Variants in TMEM132B observed in about 807,000 individuals in gnomAD.
The protein encoded by TMEM132B is transmembrane protein 132B.
A neutral mutation model predicts 90.8 loss-of-function variants in TMEM132B; 18 were observed. The ratio of observed to expected loss-of-function variants is 0.20; its 90% CI spans 0.14 to 0.29. The LOEUF (loss-of-function observed/expected upper bound fraction) is 0.29, where lower values mean the gene tolerates loss of function less well. Among genes scored for constraint, TMEM132B ranks in the 10% least tolerant of loss-of-function variants. The pLI, the probability that TMEM132B is intolerant of heterozygous loss-of-function variation, is 1.00. For missense variants in TMEM132B, 1,096 were observed against 1,326.8 expected, an observed-to-expected ratio of 0.83 and a Z score of 2.70; for synonymous variants, 504 against 523.3, an observed-to-expected ratio of 0.96 and a Z score of 0.50.
At position 125,408,178 on chromosome 12, in the gene TMEM132B, G is replaced by A. The variant is rs1202774190; in HGVS notation, c.960-7353G>A. ...CACTCAGCTGTGTATTTGGAGGGTC[G>A]CTGTGTTGTTGTGTGGTGATAGGCT... On this transcript the variant is annotated intron_variant, in intron 2 of 8. Coordinates refer to ENST00000682704, the MANE Select transcript of TMEM132B (RefSeq NM_001366854.1). This position sits in a 1 kb window ranked among gnomAD's most constrained non-coding sequence, Gnocchi z 5.9. 6.6e-6 allele frequency among the ~76,000 whole-genome samples: 1 copy of A among 152,180 alleles called. No homozygotes were observed. Among genetic ancestry groups the A allele is most frequent in the Non-Finnish European group, 1.5e-5 (1 of 68,036 alleles).
At chr12:125,535,141 C>T (rs1052438775) in intron 4 of TMEM132B, among the ~76,000 whole-genome samples, 1 of 152,160 alleles carries the variant, frequency 6.6e-6, no homozygotes, top group Admixed American at 6.5e-5. Flanking sequence ...TCGTAGAATC[C>T]AATGCTTCTA....
chr12:125,266,921 T>C (rs1398931411), intron 1 of TMEM132B, among the ~76,000 whole-genome samples: 1 of 152,086 alleles, frequency 6.6e-6, no homozygotes, highest in Non-Finnish European at 1.5e-5. Context: ...GAGACCACAG[T>C]GGTGAGCAAG....
In TMEM132B at chr12:125,213,795, CAT is replaced by C. The variant is rs1873374683; in HGVS notation, c.67+26930_67+26931del. On this transcript the variant is annotated intron_variant, in intron 1 of 8. Transcript: ENST00000682704. This position sits in a 1 kb window ranked among gnomAD's most constrained non-coding sequence, Gnocchi z 4.2. ...CTTATTCATCCACCTGTACTCCTAG[CAT>C]CAAGGGAGGTTCCTTGTGGCCAGTG... Among the ~76,000 whole-genome samples the C allele has an allele frequency of 6.6e-6, 1 of 152,230 alleles. No homozygotes were observed. The highest frequency in any genetic ancestry group is 1.5e-5 in the Non-Finnish European group (1 of 68,036).
At chr12:125,367,201 C>G (rs917060803) in intron 2 of TMEM132B, among the ~76,000 whole-genome samples, 6 of 152,106 alleles carry the variant, frequency 3.9e-5, no homozygotes, top group African/African-American at 1.4e-4. Flanking sequence ...TGGAATGGGT[C>G]TCATTTTTAA....
intron 4 of TMEM132B, among the ~76,000 whole-genome samples, chr12:125,538,754 T>G (rs1883878809): frequency 1.3e-5 from 2 of 151,810 alleles, no homozygotes; most frequent in Non-Finnish European, 2.9e-5. Context: ...GTTCAGGAGG[T>G]TCTTCAAGTC....
Position 125,336,336 on chromosome 12 carries a change from C to T in TMEM132B, c.68-13116C>T, listed in dbSNP as rs1876959344. Among the ~76,000 whole-genome samples, 5 of 152,306 alleles carry T rather than the reference C, an allele frequency of 3.3e-5. No homozygotes were observed. The South Asian group carries it at 1.0e-3, about 32-fold the overall frequency. On this transcript the variant is annotated intron_variant, in intron 1 of 8. Transcript: ENST00000682704. ...CCTGTCCATCATTTGCTCCTCTTTA[C>T]TGCCGAGTAGTGTTCCACCCAACAC... is the stretch of plus-strand genomic sequence containing the variant.
intron 2 of TMEM132B, among the ~76,000 whole-genome samples, chr12:125,357,641 G>T (rs1029218854): frequency 1.3e-5 from 2 of 148,506 alleles, no homozygotes; most frequent in Non-Finnish European, 2.9e-5. Flanking sequence ...CGAAGACCGG[G>T]GACCTGTGGC....
At chr12:125,366,101 T>C (rs924789143) in intron 2 of TMEM132B, among the ~76,000 whole-genome samples, 1 of 152,034 alleles carries the variant, frequency 6.6e-6, no homozygotes, top group Non-Finnish European at 1.5e-5. Flanking sequence ...AGCTGTCATA[T>C]GTTAGTGAGA....
chr12:125,483,444 T>C (rs1882112107), intron 3 of TMEM132B, among the ~76,000 whole-genome samples: 2 of 152,086 alleles, frequency 1.3e-5, no homozygotes, highest in Admixed American at 1.3e-4. Context: ...AAAAAAACAA[T>C]GTAACTAAAA....
chr12:125,295,626 T>C (rs185780644), intron 1 of TMEM132B, among the ~76,000 whole-genome samples: 51 of 152,234 alleles, frequency 3.4e-4, no homozygotes, highest in African/African-American at 1.2e-3. Context: ...TTGTATCTCC[T>C]TAGACATCTC....
intron 3 of TMEM132B, among the ~76,000 whole-genome samples, chr12:125,480,188 A>T (rs1025831299): frequency 6.6e-6 from 1 of 152,194 alleles, no homozygotes; most frequent in Non-Finnish European, 1.5e-5. Flanking sequence ...CTAACATCAC[A>T]ATTAAAAGAG....
At chr12:125,570,068 G>C (rs950943892) in intron 4 of TMEM132B, among the ~76,000 whole-genome samples, 4 of 152,056 alleles carry the variant, frequency 2.6e-5, no homozygotes. Flanking sequence ...ACTATTGAAT[G>C]GTTTTACCTG....
Position 125,483,690 on chromosome 12 carries a change from A to G in TMEM132B, c.1107-35749A>G, listed in dbSNP as rs377124937. On this transcript the variant is annotated intron_variant, in intron 3 of 8. Coordinates refer to ENST00000682704, the MANE Select transcript of TMEM132B (RefSeq NM_001366854.1). ...TTTGCTCATGAAATCCAGAGATTCA[A>G]TGAATGAATGGGTATCAGGAAGGAA... is the stretch of plus-strand genomic sequence containing the variant. Among the ~76,000 whole-genome samples the G allele has an allele frequency of 3.9e-5, 6 of 152,310 alleles. No individual in the cohort carries two copies. The East Asian group carries it at 7.7e-4, about 20-fold the overall frequency.
chr12:125,374,588 A>G (rs1593111165), intron 2 of TMEM132B, among the ~76,000 whole-genome samples: 1 of 151,984 alleles, frequency 6.6e-6, no homozygotes, highest in Admixed American at 6.6e-5. Flanking sequence ...GTTTCAGCCA[A>G]GTCTTCCTAA....
At chr12:125,293,976 G>A (rs763846325) in intron 1 of TMEM132B, among the ~76,000 whole-genome samples, 22 of 152,212 alleles carry the variant, frequency 1.4e-4, no homozygotes, top group Admixed American at 1.3e-4. Context: ...CTGCCATGCT[G>A]TGAGGAAGCC....
chr12:125,376,232 T>C (rs1315002504), intron 2 of TMEM132B, among the ~76,000 whole-genome samples: 3 of 152,232 alleles, frequency 2.0e-5, no homozygotes, highest in Non-Finnish European at 4.4e-5. Context: ...TTTTTTTCCA[T>C]TGTACTTATT....
intron 4 of TMEM132B, among the ~76,000 whole-genome samples, chr12:125,546,155 A>C (rs1884085787): frequency 6.6e-6 from 1 of 151,922 alleles, no homozygotes; most frequent in Admixed American, 6.6e-5. Context: ...TTCCATCCCC[A>C]ATCCCAGCTC....
chr12:125,525,231 C>T (rs971072496), intron 4 of TMEM132B, among the ~76,000 whole-genome samples: 18 of 152,150 alleles, frequency 1.2e-4, no homozygotes, highest in African/African-American at 4.1e-4. Flanking sequence ...TTACGGATCA[C>T]AAAGAATGTA....
Position 125,498,059 on chromosome 12 carries a change from C to G in TMEM132B, c.1107-21380C>G, listed in dbSNP as rs1482605243. The stretch of plus-strand genomic sequence containing the variant: ...GGAAGAGAGCCCTGAAATTCTCCCA[C>G]TAGCAATTAAATGATCAGTCCAGAC... On this transcript the variant is annotated intron_variant, in intron 3 of 8. Transcript: ENST00000682704. The surrounding 1 kb of genome is among the most constrained non-coding windows in gnomAD (Gnocchi z 4.5). 6.6e-6 allele frequency among the ~76,000 whole-genome samples: 1 copy of G among 152,192 alleles called. No individual in the cohort carries two copies. Among genetic ancestry groups the G allele is most frequent in the African/African-American group, 2.4e-5 (1 of 41,450 alleles).
Sources: allele counts gnomAD v4.1 joint callset (sites outside exome capture counted in the v4.1 genomes callset), GRCh38; gene constraint gnomAD v4.1.1; non-coding constraint Gnocchi (gnomAD v3.1); transcripts MANE v1.5; gene names NCBI Gene and HGNC (gene_info 2026-07-23, HGNC 2026-07-21).